BPIFA3: variants seen among roughly 807,000 people sequenced by gnomAD.
BPIFA3 encodes BPI fold-containing family A member 3.
A neutral mutation model predicts 29.7 loss-of-function variants in BPIFA3; 32 were observed. The ratio of observed to expected loss-of-function variants is 1.08; its 90% CI spans 0.81 to 1.45. The LOEUF is 1.45. Among genes scored for constraint, BPIFA3 ranks in the 40% most tolerant of loss-of-function variants. The pLI is 0.00. For missense variants in BPIFA3, 323 were observed against 311.3 expected (o/e 1.04, Z -0.28); for synonymous variants, 112 against 113.7 (o/e 0.98, Z 0.10).
At chr20:33,222,982 A>G (rs537589385) in intron 1 of BPIFA3, among the ~76,000 whole-genome samples, 19 of 152,234 alleles carry the variant, frequency 1.2e-4, no homozygotes, top group Non-Finnish European at 2.8e-4. Flanking sequence ...CCTCACAAGA[A>G]CCCTGTGAGG....
At chr20:33,225,045 T>TTC (rs2146488203) in intron 3 of BPIFA3, 53 bp from the exon 4 acceptor site, 4 of 1,560,186 alleles carry the variant, frequency 2.6e-6, no homozygotes, top group Non-Finnish European at 2.6e-6. Flanking sequence ...AGATTTCTAC[T>TTC]CTTTCTCTAC....
At chr20:33,224,193 C>T (rs1436988146) in intron 2 of BPIFA3, among the ~76,000 whole-genome samples, 162 bp from the exon 3 acceptor site, 2 of 152,210 alleles carry the variant, frequency 1.3e-5, no homozygotes, top group Non-Finnish European at 2.9e-5. Context: ...GTCCAGGGCT[C>T]CCGCACCTGA....
At chr20:33,222,554 A>ATG (rs1985561609) in intron 1 of BPIFA3, among the ~76,000 whole-genome samples, 1 of 129,380 alleles carries the variant, frequency 7.7e-6, no homozygotes, top group Non-Finnish European at 1.6e-5. Flanking sequence ...ATAGATGGAC[A>ATG]GATGGATGGA....
chr20:33,224,360 A>G lies in BPIFA3; in HGVS notation c.284A>G (p.Asn95Ser), dbSNP rs1247769461. The change falls in exon 3 of 7, where the codon AAC (asparagine) becomes AGC (serine). Residue 95 changes from asparagine to serine, a missense_variant. Asn to Ser is a conservative substitution (Grantham distance 46, BLOSUM62 1). Coordinates refer to ENST00000375454, the MANE Select transcript of BPIFA3 (RefSeq NM_178466.5). Reference sequence around the variant, plus strand: ...TCTGCTCTTTCCTTGTGCAGCATCAACATCACCAACATTCAGCTGGACTGT... The same window carrying G: ...TCTGCTCTTTCCTTGTGCAGCATCAGCATCACCAACATTCAGCTGGACTGT... ...KHQQQQESSINITNIQLDCGG... is the reference protein window; with the variant it reads ...KHQQQQESSISITNIQLDCGG... The G allele has an allele frequency of 5.6e-6, 9 of 1,613,848 alleles. No individual in the cohort carries two copies. Among genetic ancestry groups the G allele is most frequent in the Admixed American group, 1.7e-5 (1 of 60,002 alleles).
rs563901056 is a variant in BPIFA3, at chr20:33,224,348, T to C, written c.279-7T>C. ...CCTTGTGGGGCCTCTGCTCTTTCCTTGTGCAGCATCAACATCACCAACATT... is the reference window on the plus strand; with the variant it reads ...CCTTGTGGGGCCTCTGCTCTTTCCTCGTGCAGCATCAACATCACCAACATT... On this transcript the variant is annotated splice_polypyrimidine_tract_variant and splice_region_variant and intron_variant, in intron 2 of 6. Transcript: ENST00000375454. 3.7e-6 allele frequency: 6 copies of C among 1,612,342 alleles called. No individual in the cohort carries two copies. The African/African-American group carries it at 6.7e-5, about 18-fold the overall frequency.
At chr20:33,225,578 C>A in intron 4 of BPIFA3, 1 of 281,024 alleles carries the variant, frequency 3.6e-6, no homozygotes, top group Non-Finnish European at 6.8e-6. Flanking sequence ...GCCCGGATCT[C>A]CCCTCCTACA....
intron 1 of BPIFA3, 72 bp downstream of exon 1, chr20:33,217,735 C>T: frequency 6.6e-7 from 1 of 1,525,102 alleles, no homozygotes; most frequent in Non-Finnish European, 8.8e-7. Flanking sequence ...CTGGGCTCCA[C>T]TGCTAACCCG....
chr20:33,224,425 G>C lies in BPIFA3; in HGVS notation c.349G>C (p.Ala117Pro). The C allele has an allele frequency of 6.2e-7, 1 of 1,614,094 alleles. No individual in the cohort carries two copies. Among genetic ancestry groups the C allele is most frequent in the Non-Finnish European group, 8.5e-7 (1 of 1,179,932 alleles). ...QISFHKEWFSANISLEFDLEL... is the reference protein window; with the variant it reads ...QISFHKEWFSPNISLEFDLEL... ...ATCATTCCATAAGGAGTGGTTCTCG[G>C]CAAATATCTCACTTGAATTTGACCT... Residue 117 changes from alanine to proline, a missense_variant, in exon 3 of 7, where the codon GCA (alanine) becomes CCA (proline). By Grantham distance (27) the Ala-to-Pro change is conservative (BLOSUM62 -1). Coordinates refer to ENST00000375454, the MANE Select transcript of BPIFA3 (RefSeq NM_178466.5).
chr20:33,227,784 G>GGGT lies in BPIFA3; in HGVS notation c.*169_*170insTGG, dbSNP rs1195569595. 3.4e-6 allele frequency: 2 copies of GGGT among 591,978 alleles called. No individual in the cohort carries two copies. Among genetic ancestry groups the GGGT allele is most frequent in the Non-Finnish European group, 6.0e-6 (2 of 334,204 alleles). 36.7% of individuals were successfully genotyped at this position (591,978 alleles called of 1,614,324 possible). On this transcript the variant is annotated 3_prime_UTR_variant, in exon 7 of 7. Coordinates refer to ENST00000375454, the MANE Select transcript of BPIFA3 (RefSeq NM_178466.5). ...CACAGGTCCCTCCCACCTGGGCCCT[G>GGGT]GGGTTTAGGTCTAGAAGTCAGACCT...
At chr20:33,225,018 C>T (rs992729143) in intron 3 of BPIFA3, 80 bp from the exon 4 acceptor site, 25 of 1,372,470 alleles carry the variant, frequency 1.8e-5, no homozygotes, top group Admixed American at 8.6e-5. Flanking sequence ...GGACAGTGCC[C>T]GTCTTTGCCA....
chr20:33,223,699 A>C, intron 1 of BPIFA3, 112 bp from the exon 2 acceptor site: 3 of 1,171,982 alleles, frequency 2.6e-6, no homozygotes, highest in Non-Finnish European at 3.6e-6. Flanking sequence ...GACATGCACC[A>C]CTCACTAAGC....
chr20:33,227,541 A>G lies in BPIFA3; in HGVS notation c.689A>G (p.Gln230Arg), dbSNP rs777122858. 11 of 1,613,672 alleles carry G rather than the reference A, an allele frequency of 6.8e-6. No individual in the cohort carries two copies. The highest frequency in any genetic ancestry group is 8.5e-7 in the Non-Finnish European group (1 of 1,179,686). ...ACGCTACCTCTTCTCCTTACAGAAC[A>G]GGAGGCTGCTCATGAACCAACCCAC... The part of the protein sequence containing the change: ...DVKLLKSLIE[Q>R]EAAHEPTHHE... The change falls in exon 7 of 7, where the codon CAG (glutamine) becomes CGG (arginine). Residue 230 changes from glutamine (Q) to arginine (R), a missense_variant. Gln to Arg is a conservative substitution (Grantham distance 43, BLOSUM62 1). Coordinates refer to ENST00000375454, the MANE Select transcript of BPIFA3 (RefSeq NM_178466.5).
At position 33,226,447 on chromosome 20, in the gene BPIFA3, A is replaced by G. The variant is rs551436662; in HGVS notation, c.578A>G (p.Lys193Arg). Residue 193 changes from lysine to arginine, a missense_variant, in exon 5 of 7, where the codon AAA becomes AGA. Physicochemically the swap from Lys to Arg is conservative, Grantham distance 26 (BLOSUM62 2). Coordinates refer to ENST00000375454, the MANE Select transcript of BPIFA3 (RefSeq NM_178466.5). ...ATGAATCAGTTTCTCTACAACCTCA[A>G]AGAGAATCTGCAAAAAGTTCTCCCA... Reference protein sequence around the residue: ...PKMNQFLYNLKENLQKVLPHM... With the variant: ...PKMNQFLYNLRENLQKVLPHM... 1.9e-6 allele frequency: 3 copies of G among 1,611,094 alleles called. No individual in the cohort carries two copies. Among genetic ancestry groups the G allele is most frequent in the East Asian group, 2.2e-5 (1 of 44,872 alleles).
intron 1 of BPIFA3, among the ~76,000 whole-genome samples, chr20:33,221,255 A>G (rs1369908351): frequency 2.0e-5 from 3 of 151,852 alleles, no homozygotes; most frequent in African/African-American, 7.3e-5. Flanking sequence ...CCTGGGTTCA[A>G]ATGATTCTCC....
rs573656947 is a variant in BPIFA3 at position 33,222,540 on chromosome 20, A to T, written c.128-1271A>T. The stretch of plus-strand genomic sequence containing the variant: ...ATAGAATGAATAAATGGATAAATGG[A>T]TGGATAGATGGACAGATGGATGGAT... On this transcript the variant is annotated intron_variant, in intron 1 of 6. Coordinates refer to ENST00000375454, the MANE Select transcript of BPIFA3 (RefSeq NM_178466.5). 1.5e-4 allele frequency among the ~76,000 whole-genome samples: 22 copies of T among 150,094 alleles called. No homozygotes were observed. In the South Asian group the frequency reaches 4.0e-3, roughly 27 times the overall value.
chr20:33,217,619 G>A lies in BPIFA3; in HGVS notation c.83G>A (p.Gly28Asp). 6.2e-7 allele frequency: 1 copy of A among 1,614,066 alleles called. No individual in the cohort carries two copies. The highest frequency in any genetic ancestry group is 1.1e-5 in the South Asian group (1 of 91,056). Reference protein sequence around the residue: ...PLAPHKQPWPGLAQAHRDNKS... With the variant: ...PLAPHKQPWPDLAQAHRDNKS... ...GCACCACACAAGCAGCCTTGGCCTGGCCTGGCCCAAGCCCACAGAGACAAC... is the reference window on the plus strand; with the variant it reads ...GCACCACACAAGCAGCCTTGGCCTGACCTGGCCCAAGCCCACAGAGACAAC... The change falls in exon 1 of 7, where the codon GGC (glycine) becomes GAC (aspartate). Residue 28 changes from glycine to aspartate, a missense_variant. Coordinates refer to ENST00000375454, the MANE Select transcript of BPIFA3 (RefSeq NM_178466.5).
chr20:33,221,176 G>T (rs1266928242), intron 1 of BPIFA3, among the ~76,000 whole-genome samples: 1 of 144,510 alleles, frequency 6.9e-6, no homozygotes, highest in East Asian at 2.0e-4. Flanking sequence ...TTCAAATGGA[G>T]TCTTGCTCTA....
chr20:33,218,731 C>G (rs6059163), intron 1 of BPIFA3, among the ~76,000 whole-genome samples: 1 of 152,122 alleles, frequency 6.6e-6, no homozygotes, highest in African/African-American at 2.4e-5. Flanking sequence ...TTTAAAGGCC[C>G]TATCTCCAAA....
intron 1 of BPIFA3, among the ~76,000 whole-genome samples, chr20:33,222,548 A>T (rs1254808809): frequency 1.4e-5 from 2 of 144,500 alleles, no homozygotes; most frequent in Non-Finnish European, 3.0e-5. Flanking sequence ...GGATGGATAG[A>T]TGGACAGATG....
Sources: allele counts gnomAD v4.1 joint callset (sites outside exome capture counted in the v4.1 genomes callset), GRCh38; gene constraint gnomAD v4.1.1; transcripts MANE v1.5; gene names NCBI Gene and HGNC (gene_info 2026-07-23, HGNC 2026-07-21).